Variants in SLC4A4 observed in about 807,000 individuals in gnomAD.
SLC4A4 encodes solute carrier family 4 member 4.
In SLC4A4, 27 loss-of-function variants were observed where a neutral mutation model predicts 111.5. The ratio of observed to expected loss-of-function variants is 0.24; its 90% CI spans 0.18 to 0.33. SLC4A4 has a LOEUF of 0.33. SLC4A4 is among the 10% of genes least tolerant of loss of function. SLC4A4 has a pLI of 1.00. For missense variants in SLC4A4, 909 were observed against 1,315.5 expected (o/e 0.69, Z 4.78); for synonymous variants, 443 against 463.4 (o/e 0.96, Z 0.57).
At chr4:71,285,287 G>A (rs1418430322) in intron 3 of SLC4A4, among the ~76,000 whole-genome samples, 2 of 152,160 alleles carry the variant, frequency 1.3e-5, no homozygotes, top group Non-Finnish European at 2.9e-5. Context: ...CAAGTTCTTT[G>A]TGAACCTATC....
intron 19 of SLC4A4, 94 bp downstream of exon 19, chr4:71,546,622 G>C: frequency 9.5e-7 from 1 of 1,057,042 alleles, no homozygotes; most frequent in South Asian, 1.3e-5. Context: ...GGAGGAGACA[G>C]GGCTTGTGAT....
chr4:71,299,851 G>A (rs781045464), intron 3 of SLC4A4, among the ~76,000 whole-genome samples: 6 of 152,198 alleles, frequency 3.9e-5, no homozygotes, highest in African/African-American at 1.2e-4. Flanking sequence ...GCCAGAGGGC[G>A]TTGGGGCAGT....
intron 16 of SLC4A4, among the ~76,000 whole-genome samples, chr4:71,513,132 A>G (rs1045169408): frequency 7.9e-5 from 12 of 152,122 alleles, no homozygotes; most frequent in African/African-American, 9.7e-5. Flanking sequence ...TTGTGGTTCT[A>G]TATGAGTTTT....
In SLC4A4 at chr4:71,557,744, T is replaced by C; in HGVS notation, c.2796T>C (p.Pro932=). Reference sequence around the variant, plus strand: ...ATCGTCTGAAGCTGCTTCTGATGCCTCTGAAGCATCAGCCTGACTTCATCT... The same window carrying C: ...ATCGTCTGAAGCTGCTTCTGATGCCCCTGAAGCATCAGCCTGACTTCATCT... ...FMDRLKLLLM[P]LKHQPDFIYL... is the part of the protein sequence containing the mutation. Residue 932 remains proline, a synonymous_variant, in exon 22 of 26, where the codon CCT becomes CCC. Transcript: ENST00000264485. The C allele has an allele frequency of 6.2e-7, 1 of 1,612,786 alleles. No individual in the cohort carries two copies. The highest frequency in any genetic ancestry group is 8.5e-7 in the Non-Finnish European group (1 of 1,179,244).
At chr4:71,369,810 A>C (rs1186929725) in intron 6 of SLC4A4, among the ~76,000 whole-genome samples, 4 of 152,192 alleles carry the variant, frequency 2.6e-5, no homozygotes, top group Non-Finnish European at 2.9e-5. Flanking sequence ...TTTAAAGTAG[A>C]GTATTAAGAG....
At chr4:71,392,907 CA>C (rs962020508) in intron 6 of SLC4A4, among the ~76,000 whole-genome samples, 4 of 151,716 alleles carry the variant, frequency 2.6e-5, no homozygotes, top group African/African-American at 4.8e-5. Flanking sequence ...GAATTAAAAA[CA>C]AAAAAAATCA....
chr4:71,166,128 C>G (rs1369140048), intron 2 of SLC4A4, among the ~76,000 whole-genome samples: 1 of 152,110 alleles, frequency 6.6e-6, no homozygotes, highest in East Asian at 1.9e-4. Flanking sequence ...AATAGCAGCA[C>G]TGTTAGAGTC....
intron 3 of SLC4A4, among the ~76,000 whole-genome samples, chr4:71,332,200 T>G: frequency 6.6e-6 from 1 of 152,266 alleles, no homozygotes; most frequent in East Asian, 1.9e-4. Context: ...TTTTTCTTCC[T>G]TTACTAATTT....
At chr4:71,366,908 G>C (rs1731388669) in intron 6 of SLC4A4, among the ~76,000 whole-genome samples, 1 of 152,198 alleles carries the variant, frequency 6.6e-6, no homozygotes, top group African/African-American at 2.4e-5. Flanking sequence ...GTAAGTAATG[G>C]ATGCTGTGCA....
At chr4:71,169,510 A>T (rs1597874) in intron 2 of SLC4A4, among the ~76,000 whole-genome samples, 151,923 of 152,302 alleles carry the variant, frequency 1, 75,775 homozygotes, top group Middle Eastern at 1. Context: ...TTTTGAGAAA[A>T]GTGTATTTAG....
At chr4:71,315,848 A>G (rs1478791913) in intron 3 of SLC4A4, among the ~76,000 whole-genome samples, 1 of 152,128 alleles carries the variant, frequency 6.6e-6, no homozygotes, top group African/African-American at 2.4e-5. Context: ...CATAGCATAG[A>G]CATTAAGTCT....
At position 71,506,620 on chromosome 4, in the gene SLC4A4, T is replaced by C. The variant is rs367564683; in HGVS notation, c.2166+8928T>C. 1.2e-4 allele frequency among the ~76,000 whole-genome samples: 19 copies of C among 152,206 alleles called. No homozygotes were observed. In the East Asian group the frequency reaches 2.7e-3, roughly 22 times the overall value. ...ATGATGGGGTTTTCTAGATACAGTTTTATATAATCTGCAAACTAGGTAGTT... is the reference window on the plus strand; with the variant it reads ...ATGATGGGGTTTTCTAGATACAGTTCTATATAATCTGCAAACTAGGTAGTT... On this transcript the variant is annotated intron_variant, in intron 16 of 25. Transcript: ENST00000264485.
chr4:71,174,122 C>A (rs1286042037), intron 2 of SLC4A4, among the ~76,000 whole-genome samples: 1 of 152,054 alleles, frequency 6.6e-6, no homozygotes, highest in Non-Finnish European at 1.5e-5. Context: ...GATAAAAGTA[C>A]AACAGCTATG....
At chr4:71,538,369 A>T (rs1287458380) in intron 18 of SLC4A4, among the ~76,000 whole-genome samples, 1 of 152,186 alleles carries the variant, frequency 6.6e-6, no homozygotes, top group Non-Finnish European at 1.5e-5. Context: ...TATATAAAAA[A>T]TAAGTTTTCA....
intron 6 of SLC4A4, among the ~76,000 whole-genome samples, chr4:71,377,936 A>G (rs1263335520): frequency 1.3e-5 from 2 of 152,216 alleles, no homozygotes; most frequent in Non-Finnish European, 2.9e-5. Flanking sequence ...CCTCAGAATC[A>G]TGGCGGGAGG....
chr4:71,087,499 G>C (rs1231564190), intron 1 of SLC4A4, among the ~76,000 whole-genome samples: 1 of 151,662 alleles, frequency 6.6e-6, no homozygotes, highest in East Asian at 1.9e-4. Context: ...GTGATGTTAG[G>C]GTGTCAATTT....
At chr4:71,084,386 G>A (rs1359642006) in intron 1 of SLC4A4, among the ~76,000 whole-genome samples, 2 of 151,872 alleles carry the variant, frequency 1.3e-5, no homozygotes, top group African/African-American at 4.8e-5. Flanking sequence ...CCAAATGACA[G>A]TTTTTTAAAT....
intron 1 of SLC4A4, among the ~76,000 whole-genome samples, chr4:71,207,196 A>G (rs1477926839): frequency 6.6e-6 from 1 of 152,202 alleles, no homozygotes; most frequent in East Asian, 1.9e-4. Context: ...GGACAATAAG[A>G]AGAAATGAGG....
At chr4:71,324,690 G>T (rs1727374464) in intron 3 of SLC4A4, among the ~76,000 whole-genome samples, 1 of 151,996 alleles carries the variant, frequency 6.6e-6, no homozygotes, top group Non-Finnish European at 1.5e-5. Context: ...ATGTTCTAAA[G>T]AATTCTAAGT....
Sources: gnomAD v4.1 joint callset for allele counts (sites outside exome capture counted in the v4.1 genomes callset) on GRCh38, gnomAD v4.1.1 for gene constraint, MANE v1.5 for transcripts, NCBI Gene and HGNC (gene_info 2026-07-23, HGNC 2026-07-21) for gene names.